Variants in HUNK observed in about 807,000 individuals in gnomAD.
HUNK encodes hormonally up-regulated Neu-associated kinase, also known as hormonally up-regulated neu tumor-associated kinase.
In HUNK, 21 loss-of-function variants were observed where a neutral mutation model predicts 61.0. The observed-to-expected ratio is 0.34, with a 90% CI of 0.24 to 0.50. The LOEUF is 0.50. Ranked by LOEUF, HUNK falls within the 20% of genes least tolerant of loss-of-function variation. The probability of loss-of-function intolerance (pLI) is 0.98; values close to 1 mark genes in which losing one functional copy is unlikely to be tolerated. For missense variants in HUNK, 772 were observed against 945.7 expected, an observed-to-expected ratio of 0.82 and a Z score of 2.41; for synonymous variants, 371 against 386.1, an observed-to-expected ratio of 0.96 and a Z score of 0.46.
Position 31,958,944 on chromosome 21 carries a change from A to G in HUNK, c.848A>G (p.Asn283Ser). 6.2e-7 allele frequency: 1 copy of G among 1,600,468 alleles called. No individual in the cohort carries two copies. Among genetic ancestry groups the G allele is most frequent in the Non-Finnish European group, 8.5e-7 (1 of 1,174,042 alleles). ...LYQKMVDKEM[N>S]PLPTQLSTGA... The stretch of plus-strand genomic sequence containing the variant: ...CAGAAGATGGTAGACAAAGAAATGA[A>G]CCCCCTCCCCACTCAGCTCTCCACA... Residue 283 changes from asparagine to serine, a missense_variant, in exon 5 of 11, where the codon AAC becomes AGC. By Grantham distance (46) the Asn-to-Ser change is conservative (BLOSUM62 1). Transcript: ENST00000270112.
chr21:31,918,744 G>C (rs2052602190), intron 1 of HUNK, among the ~76,000 whole-genome samples: 1 of 152,186 alleles, frequency 6.6e-6, no homozygotes, highest in Admixed American at 6.5e-5. Context: ...GACTCACCCA[G>C]TTAATCCAGG....
intron 9 of HUNK, among the ~76,000 whole-genome samples, chr21:31,992,846 T>A (rs2123255568): frequency 6.6e-6 from 1 of 152,350 alleles, no homozygotes; most frequent in Non-Finnish European, 1.5e-5. Context: ...ATTGGCTAGT[T>A]GTAAATAAAC....
At chr21:31,969,094 C>G (rs1488501638) in intron 6 of HUNK, among the ~76,000 whole-genome samples, 1 of 151,938 alleles carries the variant, frequency 6.6e-6, no homozygotes, top group East Asian at 1.9e-4. Context: ...CCAGGCTGGT[C>G]TTGAACTCCT....
intron 4 of HUNK, among the ~76,000 whole-genome samples, chr21:31,949,614 G>T (rs1390886985): frequency 6.6e-6 from 1 of 151,952 alleles, no homozygotes; most frequent in Non-Finnish European, 1.5e-5. Flanking sequence ...AGCACAAAAG[G>T]CTATGGGAGC....
Position 31,906,498 on chromosome 21 carries a change from G to A in HUNK, c.262-17970G>A, listed in dbSNP as rs142983107. 4.6e-5 allele frequency among the ~76,000 whole-genome samples: 7 copies of A among 152,192 alleles called. No individual in the cohort carries two copies. In the East Asian group the frequency reaches 5.8e-4, roughly 13 times the overall value. ...CGCCCAGGCTGGAATGCAGTGGCAC[G>A]ATCTCAGCTCACTGCAACCTCTGCC... On this transcript the variant is annotated intron_variant, in intron 1 of 10. Coordinates refer to ENST00000270112, the MANE Select transcript of HUNK (RefSeq NM_014586.2).
At position 31,995,794 on chromosome 21, in the gene HUNK, A is replaced by T; in HGVS notation, c.1332A>T (p.Lys444Asn). 1 of 1,614,132 alleles carries T rather than the reference A, an allele frequency of 6.2e-7. No homozygotes were observed. Among genetic ancestry groups the T allele is most frequent in the Non-Finnish European group, 8.5e-7 (1 of 1,179,990 alleles). ...VQDKKPKEQEKRGDFLHRPFS... is the reference protein window; with the variant it reads ...VQDKKPKEQENRGDFLHRPFS... ...ATAAAAAGCCCAAAGAACAAGAAAAAAGAGGGGATTTTCTTCATCGACCAT... is the reference window on the plus strand; with the variant it reads ...ATAAAAAGCCCAAAGAACAAGAAAATAGAGGGGATTTTCTTCATCGACCAT... The change falls in exon 10 of 11, where the codon AAA becomes AAT. Residue 444 changes from lysine to asparagine, a missense_variant. This residue lies in a region of HUNK where 413 missense variants were observed against 444.4 expected (regional missense o/e 0.93). Coordinates refer to ENST00000270112, the MANE Select transcript of HUNK (RefSeq NM_014586.2).
intron 8 of HUNK, among the ~76,000 whole-genome samples, chr21:31,984,659 A>G (rs2053120771): frequency 6.6e-6 from 1 of 152,342 alleles, no homozygotes; most frequent in East Asian, 1.9e-4. Context: ...TTCCAGATCC[A>G]GGGAGGGGGC....
intron 9 of HUNK, among the ~76,000 whole-genome samples, chr21:31,993,585 G>A (rs1341443956): frequency 6.6e-6 from 1 of 152,220 alleles, no homozygotes; most frequent in Non-Finnish European, 1.5e-5. Context: ...AGGGAACCAA[G>A]TAAAAGGAGA....
At chr21:31,878,013 C>G (rs555737497) in intron 1 of HUNK, among the ~76,000 whole-genome samples, 1 of 152,094 alleles carries the variant, frequency 6.6e-6, no homozygotes, top group Non-Finnish European at 1.5e-5. Context: ...AATCCCAGCA[C>G]TTTGGGAGGC....
At chr21:31,893,397 T>G (rs1428647792) in intron 1 of HUNK, among the ~76,000 whole-genome samples, 1 of 152,186 alleles carries the variant, frequency 6.6e-6, no homozygotes, top group East Asian at 1.9e-4. Flanking sequence ...AAGGACAGCT[T>G]TTCGGAGCTG....
chr21:31,888,144 T>C (rs1156546922), intron 1 of HUNK, among the ~76,000 whole-genome samples: 1 of 152,106 alleles, frequency 6.6e-6, no homozygotes, highest in African/African-American at 2.4e-5. Context: ...TAGGAAGTCT[T>C]GGATTTGAGG....
chr21:31,995,993 GT>G lies in HUNK; in HGVS notation c.1486+46del, dbSNP rs748932644. ...TCTCTCAGGCCACTCGTGTTGGGCT[GT>G]GTGTCCGCTGTGTAGCCCTCACAGG... is the stretch of plus-strand genomic sequence containing the variant. On this transcript the variant is annotated intron_variant, in intron 10 of 10. Transcript: ENST00000270112. 159 of 1,449,400 alleles carry G rather than the reference GT, an allele frequency of 1.1e-4. 5 individuals carry two copies. The South Asian group carries it at 1.9e-3, about 17-fold the overall frequency. 89.8% of individuals were successfully genotyped at this position (1,449,400 alleles called of 1,614,324 possible).
At chr21:31,874,011 A>T (rs898768964) in intron 1 of HUNK, 76 bp downstream of exon 1, 1 of 1,185,054 alleles carries the variant, frequency 8.4e-7, no homozygotes, top group Non-Finnish European at 1.1e-6. Flanking sequence ...GGAGCACTGC[A>T]CTGGGAGTCC....
intron 1 of HUNK, among the ~76,000 whole-genome samples, chr21:31,900,470 CA>C (rs1358338009): frequency 6.6e-6 from 1 of 151,976 alleles, no homozygotes; most frequent in Non-Finnish European, 1.5e-5. Flanking sequence ...CACACACACA[CA>C]CACACACAAA....
chr21:31,911,137 T>C (rs1354487110), intron 1 of HUNK, among the ~76,000 whole-genome samples: 1 of 152,208 alleles, frequency 6.6e-6, no homozygotes, highest in African/African-American at 2.4e-5. Flanking sequence ...TGCACGTGGA[T>C]TCATTCATTC....
chr21:31,886,867 C>T (rs1230186754), intron 1 of HUNK, among the ~76,000 whole-genome samples: 3 of 152,174 alleles, frequency 2.0e-5, no homozygotes, highest in Admixed American at 1.3e-4. Context: ...TCTCGAACTC[C>T]TGACCTCAGG....
At chr21:31,958,580 G>A (rs890222677) in intron 4 of HUNK, among the ~76,000 whole-genome samples, 7 of 152,086 alleles carry the variant, frequency 4.6e-5, no homozygotes, top group East Asian at 1.9e-4. Flanking sequence ...GAGGATGGAG[G>A]TGCTACACAG....
intron 1 of HUNK, among the ~76,000 whole-genome samples, chr21:31,888,474 C>T (rs1230669570): frequency 2.6e-5 from 4 of 151,934 alleles, no homozygotes; most frequent in East Asian, 1.9e-4. Flanking sequence ...GCAGTGCTCA[C>T]GCCTGTATTC....
intron 1 of HUNK, among the ~76,000 whole-genome samples, chr21:31,894,025 C>T (rs1157751425): frequency 3.9e-5 from 6 of 152,166 alleles, no homozygotes; most frequent in African/African-American, 1.2e-4. Flanking sequence ...CCTTCTTCCC[C>T]GAGGCTGCGT....
Sources: gnomAD v4.1 joint callset for allele counts (sites outside exome capture counted in the v4.1 genomes callset) on GRCh38, gnomAD v4.1.1 for gene constraint, gnomAD v4.1.1 regional missense constraint, MANE v1.5 for transcripts, NCBI Gene and HGNC (gene_info 2026-07-23, HGNC 2026-07-21) for gene names.